Variants in CCDC148 observed in about 807,000 individuals in gnomAD.
CCDC148 encodes coiled-coil domain-containing protein 148.
A neutral mutation model predicts 85.7 loss-of-function variants in CCDC148; 89 were observed. The observed-to-expected ratio is 1.04, with a 90% CI of 0.87 to 1.24. The LOEUF (loss-of-function observed/expected upper bound fraction) is 1.24. Among genes scored for constraint, CCDC148 ranks in the 50% most tolerant of loss-of-function variants. CCDC148 has a pLI of 0.00. For synonymous variants in CCDC148, 230 were observed against 213.9 expected (o/e 1.08, Z -0.66); for missense variants, 692 against 671.7 (o/e 1.03, Z -0.33).
intron 9 of CCDC148, among the ~76,000 whole-genome samples, chr2:158,251,776 C>G (rs1270553089): frequency 6.6e-6 from 1 of 151,718 alleles, no homozygotes; most frequent in Admixed American, 6.6e-5. Context: ...AGATACAAAG[C>G]CACATTTGCA....
At chr2:158,248,351 T>C (rs1007981309) in intron 10 of CCDC148, among the ~76,000 whole-genome samples, 1 of 152,136 alleles carries the variant, frequency 6.6e-6, no homozygotes, top group Non-Finnish European at 1.5e-5. Flanking sequence ...ATGAAAAATG[T>C]TAACATTTTA....
At position 158,199,663 on chromosome 2, in the gene CCDC148, T is replaced by C. The variant is rs185382070; in HGVS notation, c.1371-20667A>G. On this transcript the variant is annotated intron_variant, in intron 11 of 13. Transcript: ENST00000283233. ...AAATAAAACTCCATTTTATTTTAAC[T>C]TGGAGTCATTTTAACTCCAAGTCCT... 2.6e-3 allele frequency among the ~76,000 whole-genome samples: 398 copies of C among 152,356 alleles called. 1 individual carries two copies. The highest frequency in any genetic ancestry group is 8.9e-3 in the African/African-American group (372 of 41,596).
At chr2:158,265,870 G>C (rs1029952432) in intron 9 of CCDC148, among the ~76,000 whole-genome samples, 3 of 152,082 alleles carry the variant, frequency 2.0e-5, no homozygotes, top group African/African-American at 7.2e-5. Flanking sequence ...TCACCCAGTT[G>C]GTTGCCTAAG....
chr2:158,333,146 T>C (rs924837296), intron 7 of CCDC148, among the ~76,000 whole-genome samples: 22 of 152,312 alleles, frequency 1.4e-4, no homozygotes, highest in Admixed American at 2.6e-4. Context: ...CTGCTTTCTC[T>C]TGTGGGCATT....
At chr2:158,332,176 T>C (rs776774538) in intron 7 of CCDC148, among the ~76,000 whole-genome samples, 6 of 152,108 alleles carry the variant, frequency 3.9e-5, no homozygotes, top group Admixed American at 2.0e-4. Flanking sequence ...AGTGTTTCCT[T>C]CAGGAGCTCT....
At chr2:158,279,301 G>C (rs1165224993) in intron 9 of CCDC148, among the ~76,000 whole-genome samples, 1 of 152,216 alleles carries the variant, frequency 6.6e-6, no homozygotes, top group Non-Finnish European at 1.5e-5. Flanking sequence ...CAAGTTGAGA[G>C]AAGAAGGCTT....
Position 158,407,589 on chromosome 2 carries a change from G to T in CCDC148, c.25+48826C>A, listed in dbSNP as rs577740438. ...AGAGGTATATACAGCCAGAACCCTG[G>T]ACCAGTTTATTAAATTTTGGCAGTA... On this transcript the variant is annotated intron_variant, in intron 1 of 13. Transcript: ENST00000283233. Among the ~76,000 whole-genome samples the T allele has an allele frequency of 3.3e-5, 5 of 152,090 alleles. No homozygotes were observed. In the South Asian group the frequency reaches 1.0e-3, roughly 32 times the overall value.
chr2:158,232,768 C>T (rs10192799), intron 10 of CCDC148, among the ~76,000 whole-genome samples: 22,765 of 152,066 alleles, frequency 0.15, 2,155 homozygotes, highest in Middle Eastern at 0.21. Context: ...TAAGATAAAG[C>T]ACATTTTTAT....
At chr2:158,334,676 C>T (rs1168970216) in intron 7 of CCDC148, among the ~76,000 whole-genome samples, 3 of 151,838 alleles carry the variant, frequency 2.0e-5, no homozygotes, top group Middle Eastern at 3.4e-3. Flanking sequence ...CTGATATTAC[C>T]CCAGTTTTGA....
intron 9 of CCDC148, among the ~76,000 whole-genome samples, chr2:158,282,513 G>A (rs1326016684): frequency 3.3e-5 from 5 of 152,136 alleles, no homozygotes; most frequent in Admixed American, 6.5e-5. Context: ...AATCATGAGT[G>A]AACTCCCATT....
At chr2:158,285,469 CATAT>C (rs1295627601) in intron 9 of CCDC148, among the ~76,000 whole-genome samples, 1 of 150,550 alleles carries the variant, frequency 6.6e-6, no homozygotes, top group Non-Finnish European at 1.5e-5. Flanking sequence ...TAGTAATATA[CATAT>C]ATATACACAT....
At chr2:158,424,719 T>TA (rs5835705) in intron 1 of CCDC148, 189,177 of 200,046 alleles carry the variant, frequency 0.95, 89,696 homozygotes, top group Non-Finnish European at 0.98. Flanking sequence ...AGTATAATAA[T>TA]AAAAAAAAGG....
rs371365960 is a variant in CCDC148, at chr2:158,176,637, G to A, written c.1513C>T (p.Pro505Ser). ...KQVAVVAQFD[P>S]VRMMSDTMAS... ...ATTGTATCTGACATCATTCTAACAG[G>A]ATCAAATTGAGCAACAACAGCAACC... is the stretch of plus-strand genomic sequence containing the variant. The change falls in exon 13 of 14, where the codon CCT (proline) becomes TCT (serine). Residue 505 changes from proline (P) to serine (S), a missense_variant. Transcript: ENST00000283233. 1.9e-6 allele frequency: 3 copies of A among 1,611,682 alleles called. No homozygotes were observed. The highest frequency in any genetic ancestry group is 2.2e-5 in the South Asian group (2 of 90,936).
At chr2:158,214,121 T>TAAAAAAAAAAAA (rs70990697) in intron 11 of CCDC148, among the ~76,000 whole-genome samples, 1 of 96,630 alleles carries the variant, frequency 1.0e-5, no homozygotes, top group Admixed American at 1.1e-4. Flanking sequence ...AACATTGTGG[T>TAAAAAAAAAAAA]AAAAAAAAAA....
At chr2:158,200,243 T>G (rs779574198) in intron 11 of CCDC148, among the ~76,000 whole-genome samples, 1 of 152,192 alleles carries the variant, frequency 6.6e-6, no homozygotes, top group African/African-American at 2.4e-5. Flanking sequence ...GATATTAAGT[T>G]TTCTGAAGCA....
At chr2:158,199,368 C>G (rs546652290) in intron 11 of CCDC148, among the ~76,000 whole-genome samples, 74 of 152,232 alleles carry the variant, frequency 4.9e-4, no homozygotes, top group Admixed American at 4.4e-3. Context: ...CCTCGGCCTC[C>G]CAACTAGCTG....
intron 9 of CCDC148, among the ~76,000 whole-genome samples, chr2:158,283,640 G>A (rs1690456407): frequency 6.6e-6 from 1 of 152,218 alleles, no homozygotes; most frequent in African/African-American, 2.4e-5. Flanking sequence ...GTGCTGGAGA[G>A]GATGTGGAGA....
chr2:158,246,737 T>C (rs1466079628), intron 10 of CCDC148, among the ~76,000 whole-genome samples: 1 of 152,114 alleles, frequency 6.6e-6, no homozygotes, highest in Non-Finnish European at 1.5e-5. Context: ...TACACCATAA[T>C]CACTCTCTGC....
chr2:158,396,763 A>C (rs1685539057), intron 1 of CCDC148, among the ~76,000 whole-genome samples: 1 of 152,056 alleles, frequency 6.6e-6, no homozygotes, highest in Non-Finnish European at 1.5e-5. Flanking sequence ...AGGGGCAAAA[A>C]TGTTAACTAC....
Sources: gnomAD v4.1 joint callset for allele counts (sites outside exome capture counted in the v4.1 genomes callset) on GRCh38, gnomAD v4.1.1 for gene constraint, MANE v1.5 for transcripts, NCBI Gene and HGNC (gene_info 2026-07-23, HGNC 2026-07-21) for gene names.